The following TOP6BL variants were observed in gnomAD, a reference collection of about 807,000 sequenced individuals.
TOP6BL encodes TOP6B like initiator of meiotic double strand breaks.
At chr11:66,831,840 A>G in the TOP6BL span, among the ~76,000 whole-genome samples, 1 of 151,332 alleles carries the variant, frequency 6.6e-6, no homozygotes, top group Non-Finnish European at 1.5e-5. Flanking sequence ...CTAAAAATAT[A>G]AAAAAAATTA....
At chr11:66,816,505 C>T in the TOP6BL span, among the ~76,000 whole-genome samples, 1 of 152,172 alleles carries the variant, frequency 6.6e-6, no homozygotes, top group Non-Finnish European at 1.5e-5. Flanking sequence ...ATCTAAAATG[C>T]TTACTCCCCA....
the TOP6BL span, among the ~76,000 whole-genome samples, chr11:66,769,491 C>T: frequency 2.0e-4 from 29 of 146,800 alleles, no homozygotes; most frequent in Non-Finnish European, 3.0e-5. Flanking sequence ...AGTTCCAAAA[C>T]TCAGAAAAAA....
the TOP6BL span, chr11:66,796,229 G>A: frequency 7.5e-7 from 1 of 1,327,862 alleles, no homozygotes; most frequent in Non-Finnish European, 1.1e-6. Context: ...TAATTCATTT[G>A]TGCTCTTGAG....
the TOP6BL span, chr11:66,816,098 A>AG: frequency 6.2e-7 from 1 of 1,605,374 alleles, no homozygotes; most frequent in South Asian, 1.1e-5. Context: ...TCCAGTGAGG[A>AG]GGATCAGTCT....
the TOP6BL span, among the ~76,000 whole-genome samples, chr11:66,787,850 C>G: frequency 6.6e-6 from 1 of 151,964 alleles, no homozygotes; most frequent in Non-Finnish European, 1.5e-5. Flanking sequence ...ACAAGAATAT[C>G]AGAACTATCA....
the TOP6BL span, among the ~76,000 whole-genome samples, chr11:66,757,019 G>A: frequency 7.2e-6 from 1 of 138,502 alleles, no homozygotes; most frequent in South Asian, 2.4e-4. Context: ...CCATAAGATG[G>A]TCTTTATAAA....
the TOP6BL span, among the ~76,000 whole-genome samples, chr11:66,745,269 A>G: frequency 7.3e-6 from 1 of 137,300 alleles, no homozygotes; most frequent in Non-Finnish European, 1.6e-5. Context: ...GGGGGCGCGG[A>G]AAGAAGGAAA....
At chr11:66,767,692 T>G in the TOP6BL span, among the ~76,000 whole-genome samples, 9 of 152,210 alleles carry the variant, frequency 5.9e-5, no homozygotes, top group African/African-American at 2.2e-4. Flanking sequence ...CAGGGAGGAC[T>G]GCTTTGCTGT....
chr11:66,802,793 C>A, the TOP6BL span, among the ~76,000 whole-genome samples: 2 of 152,180 alleles, frequency 1.3e-5, no homozygotes, highest in Non-Finnish European at 2.9e-5. Context: ...CACCCCATAT[C>A]TTTCTTTAGT....
the TOP6BL span, among the ~76,000 whole-genome samples, chr11:66,842,432 T>C: frequency 6.6e-6 from 1 of 152,058 alleles, no homozygotes; most frequent in Non-Finnish European, 1.5e-5. Context: ...ATGAATCAGT[T>C]AAGAGTAGGA....
chr11:66,756,288 A>G, the TOP6BL span: 1 of 1,120,594 alleles, frequency 8.9e-7, no homozygotes, highest in Non-Finnish European at 1.1e-6. Context: ...GTGGACTATG[A>G]AACATACTGT....
the TOP6BL span, among the ~76,000 whole-genome samples, chr11:66,817,605 AT>A: frequency 6.6e-6 from 1 of 151,902 alleles, no homozygotes; most frequent in Non-Finnish European, 1.5e-5. Flanking sequence ...CACCTGGCTA[AT>A]TTTTGTATTT....
chr11:66,756,349 T>C, the TOP6BL span: 1 of 1,192,852 alleles, frequency 8.4e-7, no homozygotes, highest in Non-Finnish European at 1.1e-6. Context: ...TTTTTTTTTC[T>C]CAGGATGGAG....
the TOP6BL span, among the ~76,000 whole-genome samples, chr11:66,775,740 G>C: frequency 6.6e-6 from 1 of 152,174 alleles, no homozygotes. Flanking sequence ...TTGCTGTTGA[G>C]TTGGTTTTTC....
chr11:66,744,836 G>GCGA, the TOP6BL span: 1 of 1,330,250 alleles, frequency 7.5e-7, no homozygotes, highest in South Asian at 2.3e-5. Context: ...GGCGGCGGCG[G>GCGA]CGGCGGCGGG....
At chr11:66,759,089 C>T in the TOP6BL span, 1 of 1,545,234 alleles carries the variant, frequency 6.5e-7, no homozygotes, top group African/African-American at 1.3e-5. Context: ...TCAAGAAGTT[C>T]CTAAAAGGTA....
At chr11:66,835,859 GAACAGCATATTT>G in the TOP6BL span, among the ~76,000 whole-genome samples, 1 of 152,070 alleles carries the variant, frequency 6.6e-6, no homozygotes, top group African/African-American at 2.4e-5. Flanking sequence ...ATGCTGTTAC[GAACAGCATATTT>G]GTGTGGACAT....
chr11:66,790,194 G>A, the TOP6BL span, among the ~76,000 whole-genome samples: 18 of 152,018 alleles, frequency 1.2e-4, no homozygotes, highest in Non-Finnish European at 1.9e-4. Flanking sequence ...GTGTGAACCC[G>A]GGAGGCGGAG....
the TOP6BL span, among the ~76,000 whole-genome samples, chr11:66,817,873 T>G: frequency 5.3e-5 from 8 of 152,172 alleles, no homozygotes; most frequent in Admixed American, 3.9e-4. Flanking sequence ...AGAGTAAAAT[T>G]TGAAAACCAC....
Sources: gnomAD v4.1 joint callset for allele counts (sites outside exome capture counted in the v4.1 genomes callset) on GRCh38, gnomAD v4.1.1 for gene constraint, MANE v1.5 for transcripts, NCBI Gene and HGNC (gene_info 2026-07-23, HGNC 2026-07-21) for gene names.